TMEM67: variants seen among roughly 807,000 people sequenced by gnomAD.
The protein encoded by TMEM67 is transmembrane protein 67.
TMEM67 carries 124 observed loss-of-function variants against 136.6 expected under a neutral mutation model. That is an observed-to-expected ratio of 0.91 (90% confidence interval 0.78 to 1.05). The LOEUF is 1.05. Ranked by LOEUF, TMEM67 falls within the 50% of genes least tolerant of loss-of-function variation. The pLI is 0.00. For missense variants in TMEM67, 1,107 were observed against 1,178.4 expected, an observed-to-expected ratio of 0.94 and a Z score of 0.89; for synonymous variants, 364 against 390.5, an observed-to-expected ratio of 0.93 and a Z score of 0.80.
At chr8:93,772,690 G>T in intron 7 of TMEM67, 39 bp downstream of exon 7, 1 of 1,473,114 alleles carries the variant, frequency 6.8e-7, no homozygotes, top group South Asian at 1.2e-5. Flanking sequence ...ATTTTATTTT[G>T]AAGAATTATA....
At chr8:93,777,127 G>A (rs188116050) in intron 7 of TMEM67, among the ~76,000 whole-genome samples, 78 of 152,238 alleles carry the variant, frequency 5.1e-4, no homozygotes, top group Non-Finnish European at 9.6e-4. Flanking sequence ...CGATTTTCTA[G>A]TTTATTTGTA....
chr8:93,766,784 A>G (rs947939487), intron 6 of TMEM67, among the ~76,000 whole-genome samples: 12 of 152,124 alleles, frequency 7.9e-5, no homozygotes, highest in Non-Finnish European at 1.6e-4. Context: ...TCTACTCAGT[A>G]TAGTCTTGTG....
downstream of TMEM67, among the ~76,000 whole-genome samples, chr8:93,821,041 T>C (rs976541432): frequency 6.6e-6 from 1 of 152,124 alleles, no homozygotes; most frequent in Non-Finnish European, 1.5e-5. Context: ...CAGGGACAAG[T>C]CCACGGGTGT....
chr8:93,794,621 A>C (rs1196720384), intron 16 of TMEM67, among the ~76,000 whole-genome samples: 1 of 152,228 alleles, frequency 6.6e-6, no homozygotes, highest in African/African-American at 2.4e-5. Context: ...CTGATTCCAA[A>C]GCCAGTGGGC....
At chr8:93,786,452 G>A (rs1159838086) in intron 13 of TMEM67, 106 bp downstream of exon 13, 38 of 1,344,116 alleles carry the variant, frequency 2.8e-5, no homozygotes, top group Non-Finnish European at 3.9e-5. Flanking sequence ...TGGAACAGTT[G>A]GTCGGGTTAT....
chr8:93,763,989 G>C, intron 4 of TMEM67, 48 bp downstream of exon 4: 1 of 1,170,288 alleles, frequency 8.5e-7, no homozygotes, highest in South Asian at 1.2e-5. Flanking sequence ...TCTTATATTA[G>C]TGTATAATTT....
chr8:93,768,011 A>T (rs544238411), intron 6 of TMEM67, among the ~76,000 whole-genome samples: 2 of 151,602 alleles, frequency 1.3e-5, no homozygotes, highest in African/African-American at 2.4e-5. Context: ...GATTACAGGC[A>T]TGCACCACCA....
chr8:93,762,793 G>A (rs998121945), intron 3 of TMEM67, among the ~76,000 whole-genome samples: 4 of 149,030 alleles, frequency 2.7e-5, no homozygotes, highest in Non-Finnish European at 6.0e-5. Context: ...TTATTATAAG[G>A]ATCTACACTA....
chr8:93,793,966 C>G (rs528156801), intron 16 of TMEM67, among the ~76,000 whole-genome samples: 2 of 152,080 alleles, frequency 1.3e-5, no homozygotes, highest in African/African-American at 2.4e-5. Context: ...TCTTGGTTCA[C>G]TTGCAACCTC....
chr8:93,779,551 G>A (rs930797700), intron 7 of TMEM67, among the ~76,000 whole-genome samples: 1 of 151,974 alleles, frequency 6.6e-6, no homozygotes, highest in Non-Finnish European at 1.5e-5. Context: ...GATGTGGATG[G>A]GGTTTTGATG....
chr8:93,800,531 G>T (rs1320666603), intron 21 of TMEM67, among the ~76,000 whole-genome samples: 13 of 152,142 alleles, frequency 8.5e-5, no homozygotes, highest in Admixed American at 8.5e-4. Context: ...AATTGTAATT[G>T]CTTTATACCT....
intron 20 of TMEM67, 131 bp downstream of exon 20, chr8:93,797,601 T>A: frequency 2.4e-6 from 2 of 834,848 alleles, no homozygotes; most frequent in Non-Finnish European, 3.8e-6. Flanking sequence ...GTGAAGCCAT[T>A]AAAAAGGAGT....
downstream of TMEM67, among the ~76,000 whole-genome samples, chr8:93,822,535 G>T (rs1259344680): frequency 6.6e-6 from 1 of 152,146 alleles, no homozygotes; most frequent in Non-Finnish European, 1.5e-5. Context: ...TCAGGACCAG[G>T]CTGGGGCCCT....
At chr8:93,805,137 T>C (rs1464935443) in intron 23 of TMEM67, among the ~76,000 whole-genome samples, 2 of 152,112 alleles carry the variant, frequency 1.3e-5, no homozygotes, top group African/African-American at 4.8e-5. Context: ...TACACCCGGC[T>C]AATTTTGTAT....
downstream of TMEM67, among the ~76,000 whole-genome samples, chr8:93,819,474 T>C (rs1472449992): frequency 6.6e-6 from 1 of 152,130 alleles, no homozygotes; most frequent in Non-Finnish European, 1.5e-5. Context: ...ATTCCAACAA[T>C]GTTTCTACCT....
chr8:93,825,171 T>C, the TMEM67 span, among the ~76,000 whole-genome samples: 1 of 152,262 alleles, frequency 6.6e-6, no homozygotes, highest in African/African-American at 2.4e-5. Context: ...ACTGAATTAT[T>C]AATTTGACAG....
At chr8:93,788,504 G>C (rs184931363) in intron 14 of TMEM67, among the ~76,000 whole-genome samples, 1 of 152,314 alleles carries the variant, frequency 6.6e-6, no homozygotes, top group Non-Finnish European at 1.5e-5. Context: ...CGAAGGTGTA[G>C]TGAGCCGAGA....
At chr8:93,783,442 T>C (rs1022776370) in intron 11 of TMEM67, among the ~76,000 whole-genome samples, 2 of 152,200 alleles carry the variant, frequency 1.3e-5, no homozygotes, top group Non-Finnish European at 2.9e-5. Context: ...GTTACTCCCT[T>C]CTTCTACCCG....
rs1814769777 is a variant in TMEM67, at chr8:93,799,517, T to C, written c.2101-101T>C. 3 of 930,776 alleles carry C rather than the reference T, an allele frequency of 3.2e-6. No individual in the cohort carries two copies. The South Asian group carries it at 4.5e-5, about 14-fold the overall frequency. The allele number at this position is 930,776 out of a possible 1,614,324, so 57.7% of individuals were successfully genotyped here. On this transcript the variant is annotated intron_variant, in intron 20 of 27. Transcript: ENST00000453321. The stretch of plus-strand genomic sequence containing the variant: ...ACTGTTTATACAAACTTAGATATTT[T>C]AGTTTTTCAAGGTGAGTAGGGAGAG...
Sources: gnomAD v4.1 joint callset for allele counts (sites outside exome capture counted in the v4.1 genomes callset) on GRCh38, gnomAD v4.1.1 for gene constraint, MANE v1.5 for transcripts, NCBI Gene and HGNC (gene_info 2026-07-23, HGNC 2026-07-21) for gene names.